The following MATN2 variants were observed in gnomAD, a reference collection of about 807,000 sequenced individuals.
MATN2 encodes matrilin 2.
A neutral mutation model predicts 103.2 loss-of-function variants in MATN2; 69 were observed. The ratio of observed to expected loss-of-function variants is 0.67; its 90% confidence interval spans 0.55 to 0.82. MATN2 has a LOEUF of 0.82. Ranked by LOEUF, MATN2 falls within the 40% of genes least tolerant of loss-of-function variation. The probability of loss-of-function intolerance (pLI) is 0.00; values close to 1 mark genes in which losing one functional copy is unlikely to be tolerated. For missense variants in MATN2, 1,023 were observed against 1,211.5 expected (o/e 0.84, Z 2.31); for synonymous variants, 429 against 450.2 (o/e 0.95, Z 0.60).
intron 6 of MATN2, among the ~76,000 whole-genome samples, chr8:97,984,794 TA>T (rs1214065537): frequency 1.3e-5 from 2 of 151,988 alleles, no homozygotes; most frequent in Non-Finnish European, 2.9e-5. Context: ...CATGCAGTAA[TA>T]AATTAAACAG....
intron 12 of MATN2, 106 bp downstream of exon 12, chr8:98,018,222 G>A: frequency 7.0e-7 from 1 of 1,431,052 alleles, no homozygotes; most frequent in Non-Finnish European, 9.6e-7. Flanking sequence ...TGTCACAAGT[G>A]TCAGTTCCTG....
chr8:97,930,186 T>C (rs1810131345), intron 2 of MATN2, among the ~76,000 whole-genome samples: 1 of 152,222 alleles, frequency 6.6e-6, no homozygotes, highest in African/African-American at 2.4e-5. Context: ...TCTTAGCAGC[T>C]ATTGTCAGGA....
intron 15 of MATN2, among the ~76,000 whole-genome samples, chr8:98,030,898 A>G (rs1025381337): frequency 2.3e-4 from 35 of 152,210 alleles, no homozygotes; most frequent in African/African-American, 7.7e-4. Flanking sequence ...CCTGACCTCA[A>G]GTGATCCAGC....
chr8:97,930,977 C>G lies in MATN2; in HGVS notation c.167C>G (p.Ala56Gly). The G allele has an allele frequency of 6.2e-7, 1 of 1,611,280 alleles. No individual in the cohort carries two copies. The highest frequency in any genetic ancestry group is 8.5e-7 in the Non-Finnish European group (1 of 1,178,294). ...GAGAGTTCCTGTGAGAACAAGCGGG[C>G]AGACCTGGTTTTCATCATTGACAGC... ...LLESSCENKR[A>G]DLVFIIDSSR... Residue 56 changes from alanine to glycine, a missense_variant, in exon 3 of 19, where the codon GCA becomes GGA. Ala to Gly is a moderately conservative substitution (Grantham distance 60). Transcript: ENST00000254898.
intron 4 of MATN2, among the ~76,000 whole-genome samples, chr8:97,952,893 A>T (rs1273923528): frequency 3.4e-5 from 5 of 148,688 alleles, no homozygotes; most frequent in Non-Finnish European, 5.9e-5. Flanking sequence ...GAACGTTAGG[A>T]TCTAATATTC....
In MATN2 at chr8:97,883,575, A is replaced by G. The variant is rs867249660; in HGVS notation, c.-26-4500A>G. Among the ~76,000 whole-genome samples, 9 of 135,798 alleles carry G rather than the reference A, an allele frequency of 6.6e-5. No homozygotes were observed. The Middle Eastern group carries it at 0.013, about 195-fold the overall frequency. The allele number at this position is 135,798 out of a possible 152,430, so 89.1% of individuals were successfully genotyped here. On this transcript the variant is annotated intron_variant, in intron 1 of 18. Coordinates refer to ENST00000254898, the MANE Select transcript of MATN2 (RefSeq NM_002380.5). Reference sequence around the variant, plus strand: ...GCTAATTTTTTTTTTTTTTTTTGAGACAGAGTCTCACTCTGTCCCCAGACT... The same window carrying G: ...GCTAATTTTTTTTTTTTTTTTTGAGGCAGAGTCTCACTCTGTCCCCAGACT...
intron 2 of MATN2, among the ~76,000 whole-genome samples, chr8:97,927,993 C>A (rs1388018460): frequency 1.3e-5 from 2 of 152,062 alleles, no homozygotes; most frequent in Non-Finnish European, 1.5e-5. Context: ...TAAGCCTGGC[C>A]CCTCTTCTCA....
intron 1 of MATN2, among the ~76,000 whole-genome samples, chr8:97,869,493 A>AC (rs1161152686): frequency 4.6e-5 from 7 of 151,820 alleles, no homozygotes; most frequent in Non-Finnish European, 7.4e-5. Context: ...GCGCTGCCCG[A>AC]CCCCTCGGCC....
intron 12 of MATN2, among the ~76,000 whole-genome samples, chr8:98,019,506 T>A (rs542369448): frequency 2.1e-4 from 32 of 152,344 alleles, no homozygotes; most frequent in African/African-American, 7.0e-4. Flanking sequence ...AGTCTACTGA[T>A]TAAATGTTAA....
At chr8:97,941,109 C>T (rs914369696) in intron 3 of MATN2, among the ~76,000 whole-genome samples, 4 of 138,052 alleles carry the variant, frequency 2.9e-5, no homozygotes, top group African/African-American at 1.1e-4. Context: ...CTGCAGTGAG[C>T]CATGATTGTG....
In MATN2 at chr8:97,965,987, A is replaced by G. The variant is rs62523562; in HGVS notation, c.958+4457A>G. On this transcript the variant is annotated intron_variant, in intron 5 of 18. Coordinates refer to ENST00000254898, the MANE Select transcript of MATN2 (RefSeq NM_002380.5). The stretch of plus-strand genomic sequence containing the variant: ...CAACAAGAGCAAAACTCTGTCTCAA[A>G]AACAAAACAAAAATATTAGCCAAGC... Among the ~76,000 whole-genome samples, 486 of 152,060 alleles carry G rather than the reference A, an allele frequency of 3.2e-3. 1 individual carries two copies. In the Middle Eastern group the frequency reaches 0.065, roughly 20 times the overall value.
intron 16 of MATN2, 90 bp from the exon 17 acceptor site, chr8:98,032,929 AAGTAAAGCTCTGTACCAAGTGCT>A: frequency 2.1e-6 from 2 of 941,770 alleles, no homozygotes; most frequent in Non-Finnish European, 2.9e-6. Context: ...GTATGTCCCA[AAGTAAAGCTCTGTACCAAGTGCT>A]AGGAATACCA....
intron 7 of MATN2, among the ~76,000 whole-genome samples, chr8:97,998,857 A>G (rs1812691614): frequency 6.6e-6 from 1 of 152,172 alleles, no homozygotes; most frequent in Non-Finnish European, 1.5e-5. Flanking sequence ...TATAACATAA[A>G]ATGTACCATT....
At chr8:97,937,135 T>G (rs753599870) in intron 3 of MATN2, among the ~76,000 whole-genome samples, 3 of 152,130 alleles carry the variant, frequency 2.0e-5, no homozygotes, top group Non-Finnish European at 4.4e-5. Flanking sequence ...TTCTGGTTCC[T>G]AAATGCCAGT....
intron 10 of MATN2, among the ~76,000 whole-genome samples, chr8:98,013,845 A>G (rs1166515887): frequency 6.6e-6 from 1 of 152,242 alleles, no homozygotes; most frequent in East Asian, 1.9e-4. Context: ...GTGGTGGCTC[A>G]TGCCTGTAAT....
At chr8:97,954,637 A>G (rs1023310683) in intron 4 of MATN2, among the ~76,000 whole-genome samples, 5 of 152,170 alleles carry the variant, frequency 3.3e-5, no homozygotes, top group Admixed American at 6.5e-5. Flanking sequence ...CATCAGCTCT[A>G]TAAGGGTAGG....
intron 2 of MATN2, among the ~76,000 whole-genome samples, chr8:97,909,135 G>A (rs1019709339): frequency 1.3e-5 from 2 of 152,110 alleles, no homozygotes; most frequent in African/African-American, 2.4e-5. Flanking sequence ...TAGAGATGGG[G>A]TTGCCCAGGC....
At chr8:97,960,854 G>T (rs12547386) in intron 4 of MATN2, among the ~76,000 whole-genome samples, 1 of 151,912 alleles carries the variant, frequency 6.6e-6, no homozygotes, top group Non-Finnish European at 1.5e-5. Context: ...TCGCTCTGTC[G>T]TCCAGGCTGG....
chr8:97,940,181 T>G (rs115735283), intron 3 of MATN2, among the ~76,000 whole-genome samples: 1,750 of 152,336 alleles, frequency 0.011, 36 homozygotes, highest in African/African-American at 0.04. Flanking sequence ...GGCTCATGTC[T>G]GTGATCCTAA....
Sources: allele counts gnomAD v4.1 joint callset (sites outside exome capture counted in the v4.1 genomes callset), GRCh38; gene constraint gnomAD v4.1.1; transcripts MANE v1.5; gene names NCBI Gene and HGNC (gene_info 2026-07-23, HGNC 2026-07-21).